Variants in ZNF385D observed in about 807,000 individuals in gnomAD.
The protein encoded by ZNF385D is zinc finger protein 385D.
In ZNF385D, 15 loss-of-function variants were observed where a neutral mutation model predicts 35.8. The observed-to-expected ratio is 0.42, with a 90% CI of 0.28 to 0.64. The LOEUF is 0.64. Ranked by LOEUF, ZNF385D falls within the 30% of genes least tolerant of loss-of-function variation. ZNF385D has a pLI of 0.23. For missense variants in ZNF385D, 474 were observed against 494.6 expected (o/e 0.96, Z 0.39); for synonymous variants, 212 against 186.8 (o/e 1.13, Z -1.10).
intron 2 of ZNF385D, among the ~76,000 whole-genome samples, chr3:21,578,988 C>T (rs1189488207): frequency 6.6e-6 from 1 of 152,148 alleles, no homozygotes; most frequent in African/African-American, 2.4e-5. Context: ...GAGACCTTGT[C>T]ATCAGCACTT....
intron 2 of ZNF385D, among the ~76,000 whole-genome samples, chr3:22,288,214 C>T (rs9852567): frequency 0.15 from 22,779 of 151,938 alleles, 3,454 homozygotes; most frequent in African/African-American, 0.39. Context: ...AAATAATGTG[C>T]CTCAGAGTGA....
At chr3:21,506,033 A>G (rs1002745185) in intron 4 of ZNF385D, among the ~76,000 whole-genome samples, 2 of 152,106 alleles carry the variant, frequency 1.3e-5, no homozygotes, top group Non-Finnish European at 2.9e-5. Flanking sequence ...CTGTAACTAT[A>G]AGAAATAAAG....
chr3:22,357,461 A>G (rs1696206528), intron 2 of ZNF385D, among the ~76,000 whole-genome samples: 1 of 151,904 alleles, frequency 6.6e-6, no homozygotes, highest in South Asian at 2.1e-4. Flanking sequence ...GTTTAGTAGA[A>G]AACTTGGAAG....
chr3:21,956,155 G>A (rs1194297954), intron 3 of ZNF385D, among the ~76,000 whole-genome samples: 1 of 151,808 alleles, frequency 6.6e-6, no homozygotes, highest in African/African-American at 2.4e-5. Flanking sequence ...CCACTGCATT[G>A]AAGACTGGGT....
At chr3:21,514,262 C>T (rs1200721098) in intron 3 of ZNF385D, among the ~76,000 whole-genome samples, 1 of 152,090 alleles carries the variant, frequency 6.6e-6, no homozygotes, top group African/African-American at 2.4e-5. Context: ...AATTATTTTT[C>T]ACAGATATGA....
intron 3 of ZNF385D, among the ~76,000 whole-genome samples, chr3:21,982,097 T>C (rs1041889622): frequency 7.2e-6 from 1 of 138,278 alleles, no homozygotes; most frequent in Admixed American, 7.1e-5. Context: ...TTTTTTTTTT[T>C]AATTCTGTGA....
chr3:22,118,399 G>T (rs1244087331), intron 3 of ZNF385D, among the ~76,000 whole-genome samples: 1 of 151,996 alleles, frequency 6.6e-6, no homozygotes, highest in Non-Finnish European at 1.5e-5. Flanking sequence ...AGAAATCCAA[G>T]CATGATGCTT....
chr3:21,897,634 T>C (rs1699202611), intron 3 of ZNF385D, among the ~76,000 whole-genome samples: 1 of 151,700 alleles, frequency 6.6e-6, no homozygotes. Context: ...ATCAAACAGA[T>C]TTTTTTTTCC....
In ZNF385D at chr3:22,246,659, G is replaced by A. The variant is rs533244690; in HGVS notation, c.107-77624C>T. Among the ~76,000 whole-genome samples the A allele has an allele frequency of 2.0e-5, 3 of 152,208 alleles. No homozygotes were observed. In the South Asian group the frequency reaches 6.2e-4, roughly 32 times the overall value. ...AAATCAAACAAAAAGAAAGCCTTAA[G>A]TGTCTGTTTTTCTAATCTATGATCA... On this transcript the variant is annotated intron_variant, in intron 2 of 5. Coordinates refer to the ZNF385D transcript ENST00000494108.
chr3:21,886,111 T>C (rs559911300), intron 3 of ZNF385D, among the ~76,000 whole-genome samples: 6 of 152,252 alleles, frequency 3.9e-5, no homozygotes, highest in Non-Finnish European at 8.8e-5. Flanking sequence ...ATCACATAGA[T>C]ACATGGATAA....
At chr3:22,116,184 T>C (rs1466010643) in intron 3 of ZNF385D, among the ~76,000 whole-genome samples, 6 of 152,054 alleles carry the variant, frequency 3.9e-5, no homozygotes, top group Non-Finnish European at 8.8e-5. Context: ...AGAGAGCTTT[T>C]AGAAAAAAGC....
chr3:22,289,744 G>A (rs1045022075), intron 2 of ZNF385D, among the ~76,000 whole-genome samples: 1 of 152,130 alleles, frequency 6.6e-6, no homozygotes, highest in East Asian at 1.9e-4. Context: ...TGGTGTAGGA[G>A]CTATAAAAGT....
chr3:21,874,050 A>G (rs1408913761), intron 3 of ZNF385D, among the ~76,000 whole-genome samples: 2 of 151,532 alleles, frequency 1.3e-5, no homozygotes, highest in East Asian at 3.9e-4. Flanking sequence ...ATTTTTAACT[A>G]TTTTGGTGAA....
At chr3:21,596,808 C>G (rs1179712129) in intron 2 of ZNF385D, among the ~76,000 whole-genome samples, 1 of 152,010 alleles carries the variant, frequency 6.6e-6, no homozygotes, top group Non-Finnish European at 1.5e-5. Flanking sequence ...CTTCATGCTA[C>G]TGAGGATTTG....
At chr3:22,117,428 T>C (rs938968026) in intron 3 of ZNF385D, among the ~76,000 whole-genome samples, 4 of 152,012 alleles carry the variant, frequency 2.6e-5, no homozygotes, top group African/African-American at 9.7e-5. Flanking sequence ...CGACTTATGA[T>C]TTTGAAATTA....
At chr3:21,506,404 C>A (rs936030161) in intron 4 of ZNF385D, among the ~76,000 whole-genome samples, 2 of 152,050 alleles carry the variant, frequency 1.3e-5, no homozygotes, top group African/African-American at 2.4e-5. Context: ...TTTATTACTG[C>A]AATATAACCT....
intron 3 of ZNF385D, among the ~76,000 whole-genome samples, chr3:22,024,339 A>T (rs1476247989): frequency 6.6e-6 from 1 of 151,926 alleles, no homozygotes; most frequent in Non-Finnish European, 1.5e-5. Context: ...GTATGATAGG[A>T]TACCTATATA....
At chr3:22,356,117 T>A (rs1352732139) in intron 2 of ZNF385D, among the ~76,000 whole-genome samples, 2 of 151,986 alleles carry the variant, frequency 1.3e-5, no homozygotes, top group Non-Finnish European at 2.9e-5. Context: ...TTAAGCAGCT[T>A]GAGATTTAAC....
intron 2 of ZNF385D, among the ~76,000 whole-genome samples, chr3:22,319,847 A>T (rs1202998688): frequency 2.0e-5 from 3 of 151,898 alleles, no homozygotes; most frequent in Non-Finnish European, 2.9e-5. Context: ...TCAACTTCTG[A>T]AAATTTTTTT....
Sources: gnomAD v4.1 joint callset for allele counts (sites outside exome capture counted in the v4.1 genomes callset) on GRCh38, gnomAD v4.1.1 for gene constraint, MANE v1.5 for transcripts, NCBI Gene and HGNC (gene_info 2026-07-23, HGNC 2026-07-21) for gene names.